Variants in STK24 observed in about 807,000 individuals in gnomAD.
STK24 encodes the protein serine/threonine-protein kinase 24.
STK24 carries 21 observed loss-of-function variants against 55.6 expected under a neutral mutation model. The observed-to-expected ratio is 0.38, with a 90% CI of 0.27 to 0.54. STK24 has a LOEUF of 0.54. Ranked by LOEUF, STK24 falls within the 20% of genes least tolerant of loss-of-function variation. The probability of loss-of-function intolerance (pLI) is 0.79; values close to 1 mark genes in which losing one functional copy is unlikely to be tolerated. For missense variants in STK24, 383 were observed against 538.4 expected (o/e 0.71, Z 2.86); for synonymous variants, 200 against 215.2 (o/e 0.93, Z 0.62).
In STK24 at chr13:98,576,826, G is replaced by GCCGCGACGATCCGCGCGGGGCGGCGAGGC; in HGVS notation, c.-69_-41dup. 8.3e-6 allele frequency: 10 copies of GCCGCGACGATCCGCGCGGGGCGGCGAGGC among 1,200,354 alleles called. No individual in the cohort carries two copies. Among genetic ancestry groups the GCCGCGACGATCCGCGCGGGGCGGCGAGGC allele is most frequent in the Non-Finnish European group, 1.0e-5 (10 of 967,118 alleles). 74.4% of individuals were successfully genotyped at this position (1,200,354 alleles called of 1,614,324 possible). On this transcript the variant is annotated 5_prime_UTR_variant, in exon 1 of 11. Coordinates refer to ENST00000539966, the MANE Select transcript of STK24 (RefSeq NM_001032296.4). ...CCACTTCCTGGGACGGGACGGCCGG[G>GCCGCGACGATCCGCGCGGGGCGGCGAGGC]CCGCGACGATCCGCGCGGGGCGGCG...
chr13:98,570,067 C>CA (rs1245129200), intron 1 of STK24, among the ~76,000 whole-genome samples: 1 of 151,760 alleles, frequency 6.6e-6, no homozygotes, highest in Non-Finnish European at 1.5e-5. Context: ...TTAGTAGAGA[C>CA]AGAGTTTCAC....
At chr13:98,456,361 G>A (rs1893453763) in intron 10 of STK24, 1 of 401,858 alleles carries the variant, frequency 2.5e-6, no homozygotes, top group South Asian at 1.8e-5. Context: ...AGCCAGCTTT[G>A]GGAGGTGTCA....
intron 1 of STK24, among the ~76,000 whole-genome samples, chr13:98,555,505 G>C (rs1405942697): frequency 2.0e-5 from 3 of 151,466 alleles, no homozygotes; most frequent in South Asian, 2.1e-4. Flanking sequence ...CATGAACCCG[G>C]GAGGCGGAGC....
intron 2 of STK24, among the ~76,000 whole-genome samples, chr13:98,485,822 C>G (rs79801191): frequency 6.6e-6 from 1 of 152,208 alleles, no homozygotes; most frequent in African/African-American, 2.4e-5. Flanking sequence ...CCCGGGGGAC[C>G]GGATGGAGCC....
chr13:98,565,168 C>A (rs757377528), intron 1 of STK24, among the ~76,000 whole-genome samples: 3 of 152,160 alleles, frequency 2.0e-5, no homozygotes, highest in Admixed American at 6.5e-5. Context: ...GATTCTCCAG[C>A]GCAGTGGTTC....
chr13:98,496,823 A>G (rs1457642936), intron 2 of STK24, among the ~76,000 whole-genome samples: 1 of 152,250 alleles, frequency 6.6e-6, no homozygotes, highest in Non-Finnish European at 1.5e-5. Context: ...AGTGGCACAG[A>G]AACAGGACAG....
chr13:98,529,403 A>G (rs1896520004), intron 1 of STK24, among the ~76,000 whole-genome samples: 1 of 152,136 alleles, frequency 6.6e-6, no homozygotes. Context: ...ACCTGCTGTC[A>G]GAGTTGATCT....
At chr13:98,512,810 G>C (rs1184088955) in intron 2 of STK24, among the ~76,000 whole-genome samples, 1 of 152,190 alleles carries the variant, frequency 6.6e-6, no homozygotes, top group African/African-American at 2.4e-5. Context: ...TGTAGAAAGA[G>C]TACAAGTGTC....
chr13:98,514,549 C>G (rs1895990878), intron 2 of STK24, among the ~76,000 whole-genome samples: 1 of 152,186 alleles, frequency 6.6e-6, no homozygotes, highest in Admixed American at 6.5e-5. Context: ...ATGGGTCAAA[C>G]TACTCAGAAA....
In STK24 at chr13:98,448,581, T is replaced by C; in HGVS notation, c.*4592A>G. On this transcript the variant is annotated 3_prime_UTR_variant, in exon 11 of 11. Coordinates refer to ENST00000539966, the MANE Select transcript of STK24 (RefSeq NM_001032296.4). Reference sequence around the variant, plus strand: ...TATTAAAACATTGTCATTACGAGAGTGCCAAATGACATCTTCCCTCCACCC... The same window carrying C: ...TATTAAAACATTGTCATTACGAGAGCGCCAAATGACATCTTCCCTCCACCC... 4 of 431,236 alleles carry C rather than the reference T, an allele frequency of 9.3e-6. No individual in the cohort carries two copies. Among genetic ancestry groups the C allele is most frequent in the South Asian group, 8.8e-5 (3 of 33,952 alleles). The allele number at this position is 431,236 out of a possible 1,614,324, so 26.7% of individuals were successfully genotyped here.
chr13:98,453,063 A>C lies in STK24; in HGVS notation c.*110T>G, dbSNP rs1288987990. On this transcript the variant is annotated 3_prime_UTR_variant, in exon 11 of 11. Transcript: ENST00000539966. ...GGCGCCTGGCGCTGGGGTGGCTCCC[A>C]GTGGCGCACCTCTTCGGTGGAGTCA... is the stretch of plus-strand genomic sequence containing the variant. 5 of 1,300,222 alleles carry C rather than the reference A, an allele frequency of 3.8e-6. No homozygotes were observed. In the Admixed American group the frequency reaches 5.8e-5, roughly 15 times the overall value. 80.5% of individuals were successfully genotyped at this position (1,300,222 alleles called of 1,614,324 possible).
intron 10 of STK24, chr13:98,456,419 C>T (rs1264283043): frequency 2.1e-6 from 1 of 472,192 alleles, no homozygotes; most frequent in Non-Finnish European, 4.3e-6. Context: ...ACGCCTGGTC[C>T]TCCTGGGGGT....
At position 98,451,852 on chromosome 13, in the gene STK24, C is replaced by T. The variant is rs905087064; in HGVS notation, c.*1321G>A. On this transcript the variant is annotated 3_prime_UTR_variant, in exon 11 of 11. Transcript: ENST00000539966. ...CACAGCAAACCAAGAAAAACAGACACACTGGCTGCCTGCCTAGCAAGCATA... is the reference window on the plus strand; with the variant it reads ...CACAGCAAACCAAGAAAAACAGACATACTGGCTGCCTGCCTAGCAAGCATA... 1.3e-5 allele frequency: 2 copies of T among 152,368 alleles called. No individual in the cohort carries two copies. Among genetic ancestry groups the T allele is most frequent in the Non-Finnish European group, 2.9e-5 (2 of 68,134 alleles). The allele number at this position is 152,368 out of a possible 1,614,324, so 9.4% of individuals were successfully genotyped here. A position where few individuals can be genotyped will look rare whatever the true frequency, so the allele number is the denominator to read the frequency against.
chr13:98,467,302 C>A (rs1893961932), intron 5 of STK24, among the ~76,000 whole-genome samples: 1 of 152,146 alleles, frequency 6.6e-6, no homozygotes, highest in Non-Finnish European at 1.5e-5. Context: ...ATGACATTTT[C>A]CCCCGAGTAT....
intron 5 of STK24, among the ~76,000 whole-genome samples, chr13:98,469,471 C>T (rs1412093445): frequency 1.3e-5 from 2 of 151,960 alleles, no homozygotes; most frequent in East Asian, 3.9e-4. Context: ...ATCATTTGAA[C>T]CTGGGAGGAA....
At chr13:98,548,490 G>T (rs1232840789) in intron 1 of STK24, among the ~76,000 whole-genome samples, 1 of 152,108 alleles carries the variant, frequency 6.6e-6, no homozygotes, top group Non-Finnish European at 1.5e-5. Context: ...CATCTCAAGG[G>T]TTTACCCTCA....
chr13:98,516,599 C>T (rs1896068270), intron 2 of STK24, among the ~76,000 whole-genome samples: 1 of 152,156 alleles, frequency 6.6e-6, no homozygotes, highest in South Asian at 2.1e-4. Context: ...AACAATGTGC[C>T]CTACGTCCAG....
At chr13:98,493,239 C>A (rs1010343294) in intron 2 of STK24, among the ~76,000 whole-genome samples, 6 of 152,196 alleles carry the variant, frequency 3.9e-5, no homozygotes, top group Non-Finnish European at 8.8e-5. Flanking sequence ...TGTGCGTGTG[C>A]TCGCGTCCAA....
At chr13:98,485,118 C>A (rs1003366194) in intron 2 of STK24, among the ~76,000 whole-genome samples, 2 of 152,220 alleles carry the variant, frequency 1.3e-5, no homozygotes, top group Non-Finnish European at 2.9e-5. Context: ...TGTGTCACCG[C>A]CCAGTGGGTT....
Sources: allele counts gnomAD v4.1 joint callset (sites outside exome capture counted in the v4.1 genomes callset), GRCh38; gene constraint gnomAD v4.1.1; transcripts MANE v1.5; gene names NCBI Gene and HGNC (gene_info 2026-07-23, HGNC 2026-07-21).